RRAS2: variants seen among roughly 807,000 people sequenced by gnomAD.
RRAS2 encodes ras-related protein R-Ras2.
In RRAS2, 7 loss-of-function variants were observed where a neutral mutation model predicts 27.6. The observed-to-expected ratio is 0.25, with a 90% CI of 0.14 to 0.48. The LOEUF (loss-of-function observed/expected upper bound fraction) is 0.48, where lower values mean the gene tolerates loss of function less well. Ranked by LOEUF, RRAS2 falls within the 20% of genes least tolerant of loss-of-function variation. The probability of loss-of-function intolerance (pLI) is 0.99; values close to 1 mark genes in which losing one functional copy is unlikely to be tolerated. For missense variants in RRAS2, 178 were observed against 256.2 expected (o/e 0.69, Z 2.08); for synonymous variants, 86 against 90.9 (o/e 0.95, Z 0.31).
intron 1 of RRAS2, among the ~76,000 whole-genome samples, chr11:14,347,928 T>C (rs1228259936): frequency 2.6e-5 from 4 of 151,576 alleles, no homozygotes; most frequent in African/African-American, 4.8e-5. Flanking sequence ...ACAAAAACAG[T>C]TGTACAGCAA....
In RRAS2 at chr11:14,359,023, C is replaced by T. The variant is rs999084423; in HGVS notation, c.-153G>A. The T allele has an allele frequency of 6.2e-6, 7 of 1,121,728 alleles. No individual in the cohort carries two copies. The highest frequency in any genetic ancestry group is 5.4e-6 in the Non-Finnish European group (5 of 918,560). 69.5% of individuals were successfully genotyped at this position (1,121,728 alleles called of 1,614,324 possible). A position where few individuals can be genotyped will look rare whatever the true frequency, so the allele number is the denominator to read the frequency against. ...GAGGCGTCTGGAGGGCCGGTCAGCG[C>T]GGTAGCGCGGCGCTGGGGACTGGCT... On this transcript the variant is annotated 5_prime_UTR_variant, in exon 1 of 6. Transcript: ENST00000256196.
At chr11:14,331,769 T>C (rs1252791363) in intron 1 of RRAS2, among the ~76,000 whole-genome samples, 4 of 151,124 alleles carry the variant, frequency 2.6e-5, no homozygotes, top group South Asian at 2.1e-4. Flanking sequence ...AGGCAAGATA[T>C]GGACTAGAAG....
intron 1 of RRAS2, among the ~76,000 whole-genome samples, chr11:14,348,921 A>G (rs1280763438): frequency 1.3e-5 from 2 of 152,170 alleles, no homozygotes; most frequent in Non-Finnish European, 2.9e-5. Context: ...AGATGTACGC[A>G]TGTGTATCCA....
chr11:14,332,459 ACCACTGCAC>A (rs1473776683), intron 1 of RRAS2, among the ~76,000 whole-genome samples: 4 of 152,172 alleles, frequency 2.6e-5, no homozygotes, highest in Non-Finnish European at 5.9e-5. Flanking sequence ...CCATGATGGC[ACCACTGCAC>A]TCAAGCCTCA....
intron 1 of RRAS2, among the ~76,000 whole-genome samples, chr11:14,320,950 G>A (rs1367668778): frequency 2.6e-5 from 4 of 152,260 alleles, no homozygotes; most frequent in African/African-American, 9.6e-5. Flanking sequence ...GGAGGCTGAG[G>A]TGGGCTGATC....
At chr11:14,282,759 T>C (rs547686556) in intron 4 of RRAS2, among the ~76,000 whole-genome samples, 2 of 152,302 alleles carry the variant, frequency 1.3e-5, no homozygotes, top group South Asian at 2.1e-4. Context: ...ACTATAAAAA[T>C]AGGATCATAA....
chr11:14,308,283 T>C (rs782475752), intron 1 of RRAS2: 2 of 452,436 alleles, frequency 4.4e-6, no homozygotes, highest in South Asian at 1.6e-5. Context: ...TTGAAATACA[T>C]GAATGAAAGA....
intron 1 of RRAS2, chr11:14,308,103 AC>A (rs1295603237): frequency 4.5e-5 from 12 of 265,804 alleles, no homozygotes; most frequent in African/African-American, 2.5e-4. Context: ...GCATTAATAT[AC>A]AGCAATCTGC....
intron 1 of RRAS2, among the ~76,000 whole-genome samples, chr11:14,332,472 A>AG (rs1848499779): frequency 2.6e-5 from 4 of 152,202 alleles, no homozygotes; most frequent in Non-Finnish European, 5.9e-5. Context: ...ACTGCACTCA[A>AG]GCCTCAGCAA....
intron 1 of RRAS2, among the ~76,000 whole-genome samples, chr11:14,319,498 A>G (rs1344608008): frequency 4.6e-5 from 7 of 151,896 alleles, no homozygotes; most frequent in Non-Finnish European, 8.8e-5. Flanking sequence ...AGCTGGGACT[A>G]CAGGCGCCCG....
chr11:14,323,704 C>A (rs1848280988), intron 1 of RRAS2, among the ~76,000 whole-genome samples: 1 of 151,902 alleles, frequency 6.6e-6, no homozygotes. Flanking sequence ...AATCTGGATA[C>A]CAAAACCAGA....
At position 14,319,384 on chromosome 11, in the gene RRAS2, C is replaced by G. The variant is rs575352512; in HGVS notation, c.109-23529G>C. On this transcript the variant is annotated intron_variant, in intron 1 of 5. Coordinates refer to ENST00000256196, the MANE Select transcript of RRAS2 (RefSeq NM_012250.6). ...TTTTTTTTTTTGAGACGGAGTCTCG[C>G]TCTGTCGCCCAGGCCGGACTGCGGA... Among the ~76,000 whole-genome samples the G allele has an allele frequency of 2.2e-3, 286 of 128,452 alleles. 1 individual carries two copies. Among genetic ancestry groups the G allele is most frequent in the Non-Finnish European group, 3.2e-3 (206 of 63,982 alleles). The allele number at this position is 128,452 out of a possible 152,430, so 84.3% of individuals were successfully genotyped here.
intron 4 of RRAS2, among the ~76,000 whole-genome samples, chr11:14,289,065 C>T (rs541893993): frequency 6.6e-6 from 1 of 152,170 alleles, no homozygotes; most frequent in South Asian, 2.1e-4. Context: ...CCATCTAAAC[C>T]CTTTTAGACG....
At chr11:14,306,340 C>T (rs995757234) in intron 1 of RRAS2, among the ~76,000 whole-genome samples, 4 of 151,996 alleles carry the variant, frequency 2.6e-5, no homozygotes, top group African/African-American at 9.7e-5. Flanking sequence ...TTCATTCATT[C>T]CTTCATTTAT....
chr11:14,310,248 C>T (rs1321296048), intron 1 of RRAS2, among the ~76,000 whole-genome samples: 4 of 152,190 alleles, frequency 2.6e-5, no homozygotes, highest in African/African-American at 9.7e-5. Context: ...TGGTTTTGTA[C>T]ATGTTCTGTT....
At chr11:14,325,989 TTC>T (rs373423488) in intron 1 of RRAS2, among the ~76,000 whole-genome samples, 3 of 152,320 alleles carry the variant, frequency 2.0e-5, no homozygotes, top group African/African-American at 7.2e-5. Flanking sequence ...CTCACTATGC[TTC>T]TCTCATCTCC....
chr11:14,299,539 T>C (rs1847643358), intron 1 of RRAS2, among the ~76,000 whole-genome samples: 1 of 152,246 alleles, frequency 6.6e-6, no homozygotes, highest in Non-Finnish European at 1.5e-5. Context: ...CCAGGTTTTA[T>C]GTAGTATGCA....
chr11:14,353,641 T>C (rs1304397211), intron 1 of RRAS2, among the ~76,000 whole-genome samples: 2 of 148,820 alleles, frequency 1.3e-5, no homozygotes, highest in African/African-American at 4.9e-5. Flanking sequence ...AACTTCCTTA[T>C]CCCAAAACAG....
chr11:14,318,865 T>G (rs1322878696), intron 1 of RRAS2, among the ~76,000 whole-genome samples: 1 of 152,208 alleles, frequency 6.6e-6, no homozygotes, highest in African/African-American at 2.4e-5. Context: ...GGGAAACATA[T>G]CTGTATACTT....
Sources: gnomAD v4.1 joint callset for allele counts (sites outside exome capture counted in the v4.1 genomes callset) on GRCh38, gnomAD v4.1.1 for gene constraint, MANE v1.5 for transcripts, NCBI Gene and HGNC (gene_info 2026-07-23, HGNC 2026-07-21) for gene names.